GRM7: variants seen among roughly 807,000 people sequenced by gnomAD.
GRM7 encodes the protein metabotropic glutamate receptor 7.
In GRM7, 35 loss-of-function variants were observed where a neutral mutation model predicts 84.5. The observed-to-expected ratio is 0.41, with a 90% CI of 0.32 to 0.55. The LOEUF (loss-of-function observed/expected upper bound fraction) is 0.55. Ranked by LOEUF, GRM7 falls within the 20% of genes least tolerant of loss-of-function variation. GRM7 has a pLI of 0.19. For synonymous variants in GRM7, 487 were observed against 455.1 expected, an observed-to-expected ratio of 1.07 and a Z score of -0.89; for missense variants, 1,003 against 1,194.6, an observed-to-expected ratio of 0.84 and a Z score of 2.36.
At chr3:7,597,024 CT>C (rs1355024364) in intron 8 of GRM7, among the ~76,000 whole-genome samples, 2 of 152,090 alleles carry the variant, frequency 1.3e-5, no homozygotes, top group Admixed American at 1.3e-4. Context: ...CATTTTCTGT[CT>C]TAGGCCATTA....
intron 1 of GRM7, among the ~76,000 whole-genome samples, chr3:6,932,506 C>A (rs916033079): frequency 1.3e-5 from 2 of 152,010 alleles, no homozygotes; most frequent in African/African-American, 4.8e-5. Flanking sequence ...CTGGACTTGT[C>A]TTTTAGATTT....
chr3:7,545,785 T>C (rs745578978), intron 7 of GRM7, among the ~76,000 whole-genome samples: 7 of 152,172 alleles, frequency 4.6e-5, no homozygotes, highest in Non-Finnish European at 8.8e-5. Context: ...ATTATATGGG[T>C]GTGCTCACTT....
At chr3:7,117,561 G>T (rs1693079475) in intron 1 of GRM7, among the ~76,000 whole-genome samples, 1 of 152,124 alleles carries the variant, frequency 6.6e-6, no homozygotes, top group African/African-American at 2.4e-5. Context: ...GGGCCCTCCT[G>T]GGTATCAGAA....
At chr3:7,518,118 C>T (rs1331928444) in intron 7 of GRM7, among the ~76,000 whole-genome samples, 1 of 152,184 alleles carries the variant, frequency 6.6e-6, no homozygotes, top group Non-Finnish European at 1.5e-5. Context: ...GCTCCTGGAC[C>T]TCTCTTGTAA....
intron 1 of GRM7, among the ~76,000 whole-genome samples, chr3:7,134,429 G>GTCATCATCA (rs59201451): frequency 1.3e-4 from 19 of 150,854 alleles, no homozygotes; most frequent in African/African-American, 3.9e-4. Context: ...CATCATCATC[G>GTCATCATCA]TCATCATCAT....
chr3:7,081,087 A>G (rs911550345), intron 1 of GRM7, among the ~76,000 whole-genome samples: 16 of 152,040 alleles, frequency 1.1e-4, no homozygotes, highest in African/African-American at 1.9e-4. Flanking sequence ...CGTTGTCTCC[A>G]TACCATTTAT....
chr3:7,243,527 T>C (rs1011542665), intron 2 of GRM7, among the ~76,000 whole-genome samples: 1 of 152,122 alleles, frequency 6.6e-6, no homozygotes, highest in Non-Finnish European at 1.5e-5. Flanking sequence ...CTAGAGTTTC[T>C]ATAAAAACTC....
chr3:7,395,357 T>C (rs576970142), intron 4 of GRM7, among the ~76,000 whole-genome samples: 3 of 152,208 alleles, frequency 2.0e-5, no homozygotes, highest in Admixed American at 2.0e-4. Flanking sequence ...TTTCTCATAA[T>C]AAATTTAAAA....
chr3:7,578,605 C>T lies in GRM7; in HGVS notation c.1699C>T (p.Gln567Ter), dbSNP rs1370360489. 6.2e-7 allele frequency: 1 copy of T among 1,613,894 alleles called. No homozygotes were observed. The highest frequency in any genetic ancestry group is 8.5e-7 in the Non-Finnish European group (1 of 1,179,968). The change falls in exon 8 of 10, where the codon CAG becomes TAG. Residue 567 changes from glutamine (Q) to a stop codon, truncating the protein, a stop_gained. Coordinates refer to ENST00000357716, the MANE Select transcript of GRM7 (RefSeq NM_000844.4). LOFTEE classifies it high-confidence loss of function. ...EMTCQHCPYD[Q>*]RPNENRTGCQ... ...GACATGCCAGCATTGCCCCTATGACCAGAGGCCCAATGAAAATCGAACCGG... is the reference window on the plus strand; with the variant it reads ...GACATGCCAGCATTGCCCCTATGACTAGAGGCCCAATGAAAATCGAACCGG...
intron 5 of GRM7, among the ~76,000 whole-genome samples, chr3:7,449,114 TGA>T (rs1185998615): frequency 6.6e-6 from 1 of 152,136 alleles, no homozygotes; most frequent in Non-Finnish European, 1.5e-5. Flanking sequence ...GCTCAATGTT[TGA>T]AATTTTTCAT....
chr3:7,105,162 T>C (rs1268600783), intron 1 of GRM7, among the ~76,000 whole-genome samples: 1 of 151,810 alleles, frequency 6.6e-6, no homozygotes, highest in Non-Finnish European at 1.5e-5. Flanking sequence ...TTCCTAATGT[T>C]CTTTGTCATA....
chr3:7,420,280 G>A lies in GRM7; in HGVS notation c.1174+5117G>A, dbSNP rs1029241508. ...AAATAATTGATGATTATACTGATTAGTTTTTTTATACTCACTGTCATTTTA... is the reference window on the plus strand; with the variant it reads ...AAATAATTGATGATTATACTGATTAATTTTTTTATACTCACTGTCATTTTA... On this transcript the variant is annotated intron_variant, in intron 5 of 9. Transcript: ENST00000357716. 3.9e-5 allele frequency among the ~76,000 whole-genome samples: 6 copies of A among 152,034 alleles called. No individual in the cohort carries two copies. The East Asian group carries it at 1.2e-3, about 29-fold the overall frequency.
intron 7 of GRM7, among the ~76,000 whole-genome samples, chr3:7,474,802 AAGATTTTAC>A (rs1023360425): frequency 6.6e-6 from 1 of 152,170 alleles, no homozygotes; most frequent in African/African-American, 2.4e-5. Context: ...ATGTTTCGGG[AAGATTTTAC>A]AGAGTAAGTG....
chr3:7,261,931 C>CTCCCTCCCTTCCTCCCT (rs1159569960), intron 2 of GRM7, among the ~76,000 whole-genome samples: 1 of 138,596 alleles, frequency 7.2e-6, no homozygotes, highest in African/African-American at 2.6e-5. Context: ...CCTTCCTTCC[C>CTCCCTCCCTTCCTCCCT]TCCTTCCCTC....
intron 1 of GRM7, among the ~76,000 whole-genome samples, chr3:7,029,417 C>G (rs973005175): frequency 1.5e-4 from 22 of 151,666 alleles, no homozygotes; most frequent in African/African-American, 4.1e-4. Context: ...ATTTGTACAC[C>G]AGTGTTGATG....
At chr3:7,116,734 T>A (rs1165776779) in intron 1 of GRM7, among the ~76,000 whole-genome samples, 1 of 152,194 alleles carries the variant, frequency 6.6e-6, no homozygotes, top group Non-Finnish European at 1.5e-5. Context: ...TGTTGCTCTA[T>A]TTTATTTCTT....
intron 1 of GRM7, among the ~76,000 whole-genome samples, chr3:6,914,721 G>A (rs1051363952): frequency 2.6e-5 from 4 of 151,994 alleles, no homozygotes; most frequent in Non-Finnish European, 4.4e-5. Flanking sequence ...ATTTTGATAT[G>A]TCTATGATAC....
intron 7 of GRM7, among the ~76,000 whole-genome samples, chr3:7,506,144 T>C (rs917787678): frequency 6.6e-6 from 1 of 152,224 alleles, no homozygotes; most frequent in African/African-American, 2.4e-5. Flanking sequence ...TCTTAAATTC[T>C]GCCTTCTATA....
At chr3:7,608,132 C>T (rs115155482) in intron 8 of GRM7, 51,693 of 190,176 alleles carry the variant, frequency 0.27, 7,623 homozygotes, top group Non-Finnish European at 0.3. Context: ...CACTCTGTCA[C>T]TGATGGGCAT....
Sources: allele counts gnomAD v4.1 joint callset (sites outside exome capture counted in the v4.1 genomes callset), GRCh38; gene constraint gnomAD v4.1.1; transcripts MANE v1.5; gene names NCBI Gene and HGNC (gene_info 2026-07-23, HGNC 2026-07-21).